The following GRK5 variants were observed in gnomAD, a reference collection of about 807,000 sequenced individuals.
The protein encoded by GRK5 is G protein-coupled receptor kinase 5.
In GRK5, 40 loss-of-function variants were observed where a neutral mutation model predicts 78.4. The ratio of observed to expected loss-of-function variants is 0.51; its 90% CI spans 0.40 to 0.66. GRK5 has a LOEUF of 0.66. Ranked by LOEUF, GRK5 falls within the 30% of genes least tolerant of loss-of-function variation. GRK5 has a pLI of 0.00. For synonymous variants in GRK5, 289 were observed against 296.8 expected, an observed-to-expected ratio of 0.97 and a Z score of 0.27; for missense variants, 598 against 759.9, an observed-to-expected ratio of 0.79 and a Z score of 2.50.
At chr10:119,208,022 G>C in intron 1 of GRK5, 53 bp downstream of exon 1, 2 of 1,551,552 alleles carry the variant, frequency 1.3e-6, no homozygotes, top group Non-Finnish European at 1.8e-6. Flanking sequence ...GCCAGGGTGC[G>C]GGTGTCGGGT....
intron 2 of GRK5, among the ~76,000 whole-genome samples, chr10:119,361,003 G>A (rs1352968090): frequency 6.6e-6 from 1 of 152,200 alleles, no homozygotes; most frequent in Admixed American, 6.5e-5. Context: ...AGGTGCCTCT[G>A]GGAAGGTCTC....
At chr10:119,364,130 G>A (rs1231655336) in intron 2 of GRK5, among the ~76,000 whole-genome samples, 1 of 152,190 alleles carries the variant, frequency 6.6e-6, no homozygotes, top group African/African-American at 2.4e-5. Context: ...GCGCAAAGCA[G>A]GGTTCAGTAA....
At chr10:119,388,812 C>T (rs975396784) in intron 3 of GRK5, among the ~76,000 whole-genome samples, 13 of 152,210 alleles carry the variant, frequency 8.5e-5, no homozygotes, top group Admixed American at 2.0e-4. Context: ...AAGGCTTGAC[C>T]GTAGCTGGAG....
intron 5 of GRK5, among the ~76,000 whole-genome samples, chr10:119,423,754 G>A (rs866528067): frequency 6.6e-6 from 1 of 152,080 alleles, no homozygotes; most frequent in Admixed American, 6.5e-5. Flanking sequence ...CACTCTGAAG[G>A]CATGAGCACT....
chr10:119,213,164 TGAATG>T (rs1401334105), intron 1 of GRK5: 1 of 152,092 alleles, frequency 6.6e-6, no homozygotes, highest in East Asian at 1.9e-4. Context: ...AATAAATAAA[TGAATG>T]GAATAGAAGA....
chr10:119,233,575 G>T (rs906267547), intron 1 of GRK5, among the ~76,000 whole-genome samples: 1 of 152,142 alleles, frequency 6.6e-6, no homozygotes, highest in Non-Finnish European at 1.5e-5. Flanking sequence ...AGCCATTCTG[G>T]GGGCCAGATG....
At chr10:119,450,381 A>G (rs1386079952) in intron 13 of GRK5, among the ~76,000 whole-genome samples, 1 of 152,168 alleles carries the variant, frequency 6.6e-6, no homozygotes, top group Non-Finnish European at 1.5e-5. Flanking sequence ...TGGCACACAA[A>G]ACAGTTGGTT....
At chr10:119,345,832 C>CAT (rs1435637531) in intron 2 of GRK5, among the ~76,000 whole-genome samples, 1 of 145,788 alleles carries the variant, frequency 6.9e-6, no homozygotes, top group African/African-American at 2.5e-5. Context: ...AGCTGTTTGA[C>CAT]TTTTTTTTTT....
intron 1 of GRK5, among the ~76,000 whole-genome samples, chr10:119,232,386 TAGG>T (rs1274191062): frequency 6.6e-6 from 1 of 152,140 alleles, no homozygotes; most frequent in East Asian, 1.9e-4. Context: ...TATAGCTAGA[TAGG>T]AGGAAGAAAC....
intron 1 of GRK5, among the ~76,000 whole-genome samples, chr10:119,281,033 C>T (rs1228054077): frequency 6.6e-6 from 1 of 152,032 alleles, no homozygotes; most frequent in Non-Finnish European, 1.5e-5. Context: ...ACGCCTTGGC[C>T]TCCCAAAGTA....
At chr10:119,304,022 C>T (rs968200729) in intron 1 of GRK5, among the ~76,000 whole-genome samples, 1 of 152,148 alleles carries the variant, frequency 6.6e-6, no homozygotes, top group African/African-American at 2.4e-5. Context: ...AGGGCTGACT[C>T]ACCTGCCTTT....
Position 119,445,557 on chromosome 10 carries a change from C to T in GRK5, c.1266+1805C>T, listed in dbSNP as rs1485890630. 1.3e-5 allele frequency among the ~76,000 whole-genome samples: 2 copies of T among 152,142 alleles called. No individual in the cohort carries two copies. Among genetic ancestry groups the T allele is most frequent in the Non-Finnish European group, 2.9e-5 (2 of 67,994 alleles). ...ACACTGAGAGAAAGCCTGCTGCTCC[C>T]GGAGGACCTGTCCCGTGGGTACAAA... On this transcript the variant is annotated intron_variant, in intron 12 of 15. Transcript: ENST00000392870. The surrounding 1 kb of genome is among the most constrained non-coding windows in gnomAD (Gnocchi z 4.1).
intron 1 of GRK5, among the ~76,000 whole-genome samples, chr10:119,223,186 G>C (rs1420277299): frequency 6.6e-6 from 1 of 152,128 alleles, no homozygotes; most frequent in Non-Finnish European, 1.5e-5. Context: ...CTCCCTGTGC[G>C]TCTTCCTCTT....
chr10:119,392,515 G>A (rs545383779), intron 3 of GRK5, among the ~76,000 whole-genome samples: 1 of 152,342 alleles, frequency 6.6e-6, no homozygotes, highest in African/African-American at 2.4e-5. Context: ...CGATTCTCCT[G>A]CCTCAGCCTC....
Position 119,276,675 on chromosome 10 carries a change from C to T in GRK5, c.53-49841C>T, listed in dbSNP as rs1011404374. On this transcript the variant is annotated intron_variant, in intron 1 of 15. Coordinates refer to ENST00000392870, the MANE Select transcript of GRK5 (RefSeq NM_005308.3). ...GTTCTAGATCCCTTAGGAATTGCCACACTGACGTTTTAAAAGTGAAATCAG... is the reference window on the plus strand; with the variant it reads ...GTTCTAGATCCCTTAGGAATTGCCATACTGACGTTTTAAAAGTGAAATCAG... Among the ~76,000 whole-genome samples the T allele has an allele frequency of 4.6e-5, 7 of 152,324 alleles. No individual in the cohort carries two copies. In the South Asian group the frequency reaches 6.2e-4, roughly 14 times the overall value.
intron 4 of GRK5, among the ~76,000 whole-genome samples, chr10:119,402,630 A>G (rs972554941): frequency 6.6e-6 from 1 of 152,186 alleles, no homozygotes; most frequent in South Asian, 2.1e-4. Flanking sequence ...AGGCAGGCGG[A>G]TCACCTGAGG....
intron 1 of GRK5, among the ~76,000 whole-genome samples, chr10:119,325,292 G>A (rs1187060132): frequency 1.3e-5 from 2 of 152,212 alleles, no homozygotes; most frequent in Non-Finnish European, 2.9e-5. Flanking sequence ...GCGGGTGCTT[G>A]TCCAGGCTTG....
intron 2 of GRK5, among the ~76,000 whole-genome samples, chr10:119,377,605 C>G (rs1449730484): frequency 6.6e-6 from 1 of 152,052 alleles, no homozygotes; most frequent in East Asian, 1.9e-4. Flanking sequence ...GGGAGAGGCT[C>G]GGAACTGAGG....
chr10:119,287,129 C>G (rs1484267988), intron 1 of GRK5, among the ~76,000 whole-genome samples: 4 of 101,364 alleles, frequency 3.9e-5, no homozygotes, highest in East Asian at 2.9e-4. Context: ...ATGGAGAAGG[C>G]AGGGAGGGAA....
Sources: allele counts gnomAD v4.1 joint callset (sites outside exome capture counted in the v4.1 genomes callset), GRCh38; gene constraint gnomAD v4.1.1; non-coding constraint Gnocchi (gnomAD v3.1); transcripts MANE v1.5; gene names NCBI Gene and HGNC (gene_info 2026-07-23, HGNC 2026-07-21).